The following SCGN variants were observed in gnomAD, a reference collection of about 807,000 sequenced individuals.
SCGN encodes the protein secretagogin.
Under a neutral mutation model 39.7 loss-of-function variants are expected in SCGN, and 30 were observed. The observed-to-expected ratio is 0.76, with a 90% CI of 0.57 to 1.03. The LOEUF (loss-of-function observed/expected upper bound fraction) is 1.03, where lower values mean the gene tolerates loss of function less well. SCGN is among the 50% of genes least tolerant of loss of function. SCGN has a pLI of 0.00. For missense variants in SCGN, 353 were observed against 349.4 expected, an observed-to-expected ratio of 1.01 and a Z score of -0.08; for synonymous variants, 106 against 114.1, an observed-to-expected ratio of 0.93 and a Z score of 0.45.
chr6:25,654,656 C>T (rs1760194940), intron 2 of SCGN, among the ~76,000 whole-genome samples: 10 of 151,976 alleles, frequency 6.6e-5, no homozygotes, highest in Admixed American at 6.6e-4. Flanking sequence ...TTTGGTCTTT[C>T]CTCTCCCCAT....
chr6:25,656,031 C>T (rs963083216), intron 2 of SCGN, among the ~76,000 whole-genome samples: 1 of 152,204 alleles, frequency 6.6e-6, no homozygotes, highest in Non-Finnish European at 1.5e-5. Flanking sequence ...CTGGGCACTC[C>T]ATGCTACCTG....
intron 6 of SCGN, among the ~76,000 whole-genome samples, chr6:25,670,394 A>G (rs1249783323): frequency 2.0e-5 from 3 of 152,198 alleles, no homozygotes; most frequent in African/African-American, 7.2e-5. Flanking sequence ...ACAAGTAAAC[A>G]TGGACTTAGA....
intron 3 of SCGN, 37 bp from the exon 4 acceptor site, chr6:25,664,906 C>A (rs760594530): frequency 1.3e-6 from 2 of 1,516,638 alleles, no homozygotes; most frequent in Admixed American, 1.7e-5. Flanking sequence ...TGGACACTGG[C>A]CAGTGTCCCT....
In SCGN at chr6:25,701,368, G is replaced by A. The variant is rs746501224; in HGVS notation, c.*33G>A. The stretch of plus-strand genomic sequence containing the variant: ...CTGCTTTGCCTTTTGCTCTTACTAT[G>A]TTTCTGTGATCTTGCTGGTAGAATT... On this transcript the variant is annotated 3_prime_UTR_variant, in exon 11 of 11. Coordinates refer to ENST00000377961, the MANE Select transcript of SCGN (RefSeq NM_006998.4). 5.0e-6 allele frequency: 8 copies of A among 1,599,144 alleles called. No homozygotes were observed. Among genetic ancestry groups the A allele is most frequent in the African/African-American group, 1.3e-5 (1 of 74,426 alleles).
At chr6:25,659,637 A>G (rs546149002) in intron 2 of SCGN, among the ~76,000 whole-genome samples, 22 of 152,328 alleles carry the variant, frequency 1.4e-4, no homozygotes, top group African/African-American at 4.6e-4. Flanking sequence ...AATGGATAAA[A>G]TTATCATGAA....
intron 4 of SCGN, among the ~76,000 whole-genome samples, chr6:25,665,657 T>G (rs1474113375): frequency 6.6e-6 from 1 of 152,182 alleles, no homozygotes; most frequent in Admixed American, 6.5e-5. Flanking sequence ...AGATAAGGGT[T>G]TCCCCAAGGC....
chr6:25,670,935 G>A (rs955557211), intron 6 of SCGN, among the ~76,000 whole-genome samples: 9 of 152,170 alleles, frequency 5.9e-5, no homozygotes, highest in Non-Finnish European at 8.8e-5. Context: ...CCCTACGTGA[G>A]TGCTTCATTC....
intron 10 of SCGN, among the ~76,000 whole-genome samples, chr6:25,698,046 CTA>C (rs1214755903): frequency 6.6e-6 from 1 of 152,178 alleles, no homozygotes; most frequent in Non-Finnish European, 1.5e-5. Flanking sequence ...CCTCAGGAAC[CTA>C]TCTGCACTTA....
chr6:25,689,273 T>C (rs375352946), intron 8 of SCGN, 56 bp downstream of exon 8: 2 of 1,353,666 alleles, frequency 1.5e-6, no homozygotes, highest in East Asian at 2.3e-5. Flanking sequence ...CTCTACGGAT[T>C]TGAGCAGGAA....
chr6:25,665,932 G>C (rs1760417043), intron 4 of SCGN, among the ~76,000 whole-genome samples: 1 of 152,084 alleles, frequency 6.6e-6, no homozygotes. Context: ...ACGTTCTGTT[G>C]GTAGGCATAC....
At position 25,663,946 on chromosome 6, in the gene SCGN, G is replaced by C. The variant is rs192674323; in HGVS notation, c.247-997G>C. On this transcript the variant is annotated intron_variant, in intron 3 of 10. Coordinates refer to ENST00000377961, the MANE Select transcript of SCGN (RefSeq NM_006998.4). ...TGCTGTGGACTCACTCTGTGGTATT[G>C]TACAAGACACTGAGCAAACTACTCA... 1.5e-4 allele frequency among the ~76,000 whole-genome samples: 23 copies of C among 152,246 alleles called. No homozygotes were observed. The East Asian group carries it at 4.4e-3, about 29-fold the overall frequency.
chr6:25,680,988 T>C (rs1759630394), intron 6 of SCGN, among the ~76,000 whole-genome samples: 2 of 152,208 alleles, frequency 1.3e-5, no homozygotes, highest in Admixed American at 1.3e-4. Context: ...GCAGCCTCCT[T>C]ATATGGATAT....
In SCGN at chr6:25,677,344, C is replaced by A. The variant is rs922329953; in HGVS notation, c.472-4607C>A. Among the ~76,000 whole-genome samples the A allele has an allele frequency of 4.6e-5, 7 of 152,112 alleles. 1 individual carries two copies. Among genetic ancestry groups the A allele is most frequent in the Admixed American group, 2.0e-4 (3 of 15,272 alleles). On this transcript the variant is annotated intron_variant, in intron 6 of 10. Transcript: ENST00000377961. ...CTGGCTCTTCAATTACAATTGTATG[C>A]CCTAAAATCATGTACCACCTTAATA...
chr6:25,662,510 A>C (rs577987479), intron 3 of SCGN, among the ~76,000 whole-genome samples: 104 of 152,318 alleles, frequency 6.8e-4, no homozygotes, highest in African/African-American at 2.4e-3. Context: ...CCTGTTAGAC[A>C]TATTACCTAA....
At chr6:25,656,458 T>C (rs775406417) in intron 2 of SCGN, among the ~76,000 whole-genome samples, 9 of 152,184 alleles carry the variant, frequency 5.9e-5, no homozygotes. Flanking sequence ...TCGGAGGGGA[T>C]TGACTTAATG....
intron 6 of SCGN, among the ~76,000 whole-genome samples, chr6:25,673,784 G>T (rs886309606): frequency 1.3e-5 from 2 of 152,122 alleles, no homozygotes; most frequent in African/African-American, 4.8e-5. Context: ...GGCCATTCTT[G>T]TGTTACTATA....
intron 10 of SCGN, among the ~76,000 whole-genome samples, chr6:25,694,520 A>G (rs955162639): frequency 2.0e-5 from 3 of 152,248 alleles, no homozygotes; most frequent in Non-Finnish European, 2.9e-5. Context: ...CTGGGGCAGC[A>G]CAAAGGCACC....
rs758522511 is a variant in SCGN, at chr6:25,661,660, G to C, written c.246+16G>C. 1 of 1,534,214 alleles carries C rather than the reference G, an allele frequency of 6.5e-7. No homozygotes were observed. The highest frequency in any genetic ancestry group is 2.3e-5 in the East Asian group (1 of 44,424). ...GATGAAAGAGGTAACTTTACTGACAGTATTTTTCATGGCTCTACTCTTCTT... is the reference window on the plus strand; with the variant it reads ...GATGAAAGAGGTAACTTTACTGACACTATTTTTCATGGCTCTACTCTTCTT... On this transcript the variant is annotated intron_variant, in intron 3 of 10. Coordinates refer to ENST00000377961, the MANE Select transcript of SCGN (RefSeq NM_006998.4).
chr6:25,674,651 A>G (rs1396210561), intron 6 of SCGN, among the ~76,000 whole-genome samples: 1 of 152,218 alleles, frequency 6.6e-6, no homozygotes, highest in Non-Finnish European at 1.5e-5. Context: ...ATTCAAACTG[A>G]TCTGAATAAG....
Sources: gnomAD v4.1 joint callset for allele counts (sites outside exome capture counted in the v4.1 genomes callset) on GRCh38, gnomAD v4.1.1 for gene constraint, MANE v1.5 for transcripts, NCBI Gene and HGNC (gene_info 2026-07-23, HGNC 2026-07-21) for gene names.